Variants in SGMS1 observed in about 807,000 individuals in gnomAD.
SGMS1 encodes the protein sphingomyelin synthase 1.
SGMS1 carries 13 observed loss-of-function variants against 46.2 expected under a neutral mutation model. The observed-to-expected ratio is 0.28, with a 90% CI of 0.18 to 0.45. The LOEUF is 0.45. Ranked by LOEUF, SGMS1 falls within the 20% of genes least tolerant of loss-of-function variation. SGMS1 has a pLI of 1.00. For synonymous variants in SGMS1, 203 were observed against 187.8 expected, an observed-to-expected ratio of 1.08 and a Z score of -0.66; for missense variants, 324 against 519.9, an observed-to-expected ratio of 0.62 and a Z score of 3.66.
At chr10:50,399,795 G>A (rs528699534) in intron 6 of SGMS1, among the ~76,000 whole-genome samples, 25 of 152,212 alleles carry the variant, frequency 1.6e-4, no homozygotes, top group Admixed American at 1.2e-3. Context: ...TTGGGAGGCC[G>A]AGGCAGGCGG....
chr10:50,379,388 T>A (rs1368495134), intron 6 of SGMS1, among the ~76,000 whole-genome samples: 1 of 152,066 alleles, frequency 6.6e-6, no homozygotes, highest in African/African-American at 2.4e-5. Context: ...TAGAAATACA[T>A]ATTAATTGAA....
chr10:50,574,758 G>A (rs1214922771), intron 2 of SGMS1, among the ~76,000 whole-genome samples: 2 of 151,818 alleles, frequency 1.3e-5, no homozygotes, highest in African/African-American at 4.8e-5. Context: ...CAGATGAATG[G>A]ATAAAGAAAA....
intron 3 of SGMS1, among the ~76,000 whole-genome samples, chr10:50,481,585 T>A (rs1166427618): frequency 2.6e-5 from 4 of 152,074 alleles, no homozygotes; most frequent in African/African-American, 9.7e-5. Context: ...ACTCAAAAAC[T>A]CTGAAAACTG....
chr10:50,506,395 G>A (rs916083461), intron 3 of SGMS1, among the ~76,000 whole-genome samples: 16 of 151,968 alleles, frequency 1.1e-4, no homozygotes, highest in African/African-American at 3.4e-4. Flanking sequence ...TCATGCTTCC[G>A]TGTTCTTGCT....
chr10:50,457,281 G>A (rs1837203636), intron 5 of SGMS1, among the ~76,000 whole-genome samples: 1 of 152,254 alleles, frequency 6.6e-6, no homozygotes, highest in South Asian at 2.1e-4. Context: ...ATAAAAACTG[G>A]AAGCATCTTT....
chr10:50,343,473 G>A lies in SGMS1; in HGVS notation c.623+19C>T. On this transcript the variant is annotated intron_variant, in intron 7 of 10. Coordinates refer to ENST00000361781, the MANE Select transcript of SGMS1 (RefSeq NM_147156.4). ...CAAATCCCATAATCATTGAATCTTA[G>A]AGCTTTTACTTGACTTACTTGTATT... 13 of 1,564,924 alleles carry A rather than the reference G, an allele frequency of 8.3e-6. No homozygotes were observed. Among genetic ancestry groups the A allele is most frequent in the Non-Finnish European group, 1.1e-5 (13 of 1,159,752 alleles).
chr10:50,469,895 G>A (rs540763064), intron 3 of SGMS1, among the ~76,000 whole-genome samples: 5 of 152,190 alleles, frequency 3.3e-5, no homozygotes, highest in African/African-American at 1.2e-4. Flanking sequence ...GCATTGGCAA[G>A]CTCCCACTTT....
At chr10:50,319,380 C>A (rs1847403880) in intron 8 of SGMS1, among the ~76,000 whole-genome samples, 1 of 152,106 alleles carries the variant, frequency 6.6e-6, no homozygotes, top group African/African-American at 2.4e-5. Context: ...GTAACAAGGG[C>A]ATTCTCTTCT....
At position 50,307,183 on chromosome 10, in the gene SGMS1, T is replaced by C. The variant is rs917215500; in HGVS notation, c.1201A>G (p.Ser401Gly). Residue 401 changes from serine (S) to glycine (G), a missense_variant, in exon 11 of 11, where the codon AGT becomes GGT. Around this residue, in one of 2 missense-constraint regions of SGMS1, gnomAD observed 174 missense variants for 350.1 expected, o/e 0.50. Transcript: ENST00000361781. This position sits in a 1 kb window ranked among gnomAD's most constrained non-coding sequence, Gnocchi z 4.2. ...WPFPWPVVHL[S>G]RQVKYSRLVN... Reference sequence around the variant, plus strand: ...AGCCGGCTGTATTTAACTTGCCTACTGAGGTGGACTACTGGCCAGGGGAAA... The same window carrying C: ...AGCCGGCTGTATTTAACTTGCCTACCGAGGTGGACTACTGGCCAGGGGAAA... 4 of 1,614,040 alleles carry C rather than the reference T, an allele frequency of 2.5e-6. No homozygotes were observed. The highest frequency in any genetic ancestry group is 1.3e-5 in the African/African-American group (1 of 74,930).
intron 3 of SGMS1, among the ~76,000 whole-genome samples, chr10:50,518,031 G>A (rs1199605534): frequency 1.3e-5 from 2 of 152,144 alleles, no homozygotes; most frequent in Non-Finnish European, 2.9e-5. Flanking sequence ...CGTAAGGATA[G>A]AAGAAAGGAA....
intron 5 of SGMS1, among the ~76,000 whole-genome samples, chr10:50,456,265 ACAATAAGGAGGTCCTCCTTATTGT>A (rs571615741): frequency 2.0e-5 from 3 of 151,774 alleles, no homozygotes; most frequent in African/African-American, 7.3e-5. Context: ...GGTTGATGGG[ACAATAAGGAGGTCCTCCTTATTGT>A]CAATAAGGAC....
intron 2 of SGMS1, among the ~76,000 whole-genome samples, chr10:50,531,676 G>C (rs1433275568): frequency 6.6e-6 from 1 of 152,028 alleles, no homozygotes; most frequent in Non-Finnish European, 1.5e-5. Flanking sequence ...CCTACCCAAC[G>C]GTCTGAACTT....
intron 6 of SGMS1, among the ~76,000 whole-genome samples, chr10:50,375,781 C>T (rs560253568): frequency 1.3e-5 from 2 of 152,078 alleles, no homozygotes; most frequent in Non-Finnish European, 2.9e-5. Flanking sequence ...GTACAGACCT[C>T]AAAACAGCAA....
chr10:50,495,016 A>G (rs1588853094), intron 3 of SGMS1, among the ~76,000 whole-genome samples: 2 of 130,076 alleles, frequency 1.5e-5, no homozygotes, highest in African/African-American at 3.0e-5. Flanking sequence ...AGCCTGGGCG[A>G]CAGAGCGAGA....
chr10:50,623,416 T>G (rs1838875886), intron 1 of SGMS1, among the ~76,000 whole-genome samples: 1 of 151,666 alleles, frequency 6.6e-6, no homozygotes. Context: ...CACTGACGCC[T>G]CCTCCTTCCT....
intron 2 of SGMS1, among the ~76,000 whole-genome samples, chr10:50,566,827 T>C (rs1838292002): frequency 6.6e-6 from 1 of 152,224 alleles, no homozygotes; most frequent in African/African-American, 2.4e-5. Context: ...ATAACCTATG[T>C]GCATCCTCTT....
At chr10:50,430,710 C>T (rs1476000488) in intron 6 of SGMS1, among the ~76,000 whole-genome samples, 1 of 152,128 alleles carries the variant, frequency 6.6e-6, no homozygotes, top group East Asian at 1.9e-4. Flanking sequence ...CAGGTAATTT[C>T]TCTTTCTCTT....
At chr10:50,384,263 T>A (rs1386460250) in intron 6 of SGMS1, among the ~76,000 whole-genome samples, 1 of 152,200 alleles carries the variant, frequency 6.6e-6, no homozygotes, top group East Asian at 1.9e-4. Context: ...ATTTGTATGA[T>A]CTTGAGTAAG....
intron 7 of SGMS1, among the ~76,000 whole-genome samples, chr10:50,330,409 T>A (rs911256168): frequency 6.6e-6 from 1 of 152,148 alleles, no homozygotes; most frequent in African/African-American, 2.4e-5. Flanking sequence ...CGCCGGAGCC[T>A]GGGAGTTAGA....
Sources: allele counts gnomAD v4.1 joint callset (sites outside exome capture counted in the v4.1 genomes callset), GRCh38; gene constraint gnomAD v4.1.1; regional missense constraint gnomAD v4.1.1; non-coding constraint Gnocchi (gnomAD v3.1); transcripts MANE v1.5; gene names NCBI Gene and HGNC (gene_info 2026-07-23, HGNC 2026-07-21).